FGF13: variants seen among roughly 807,000 people sequenced by gnomAD.
FGF13 encodes the protein fibroblast growth factor homologous factor 2.
Under a neutral mutation model 19.5 loss-of-function variants are expected in FGF13, and 2 were observed. The observed-to-expected ratio is 0.10, with a 90% CI of 0.04 to 0.32. The LOEUF is 0.32. Ranked by LOEUF, FGF13 falls within the 10% of genes least tolerant of loss-of-function variation. The pLI is 1.00. For missense variants in FGF13, 113 were observed against 192.7 expected, an observed-to-expected ratio of 0.59 and a Z score of 2.45; for synonymous variants, 72 against 76.9, an observed-to-expected ratio of 0.94 and a Z score of 0.33.
intron 3 of FGF13, among the ~76,000 whole-genome samples, chrX:138,670,067 AC>A (rs1406043946): frequency 1.8e-5 from 2 of 112,028 alleles, no homozygotes; most frequent in African/African-American, 3.2e-5. Context: ...TAACAAAAAA[AC>A]GTCAAGAATA....
In FGF13 at chrX:139,033,675, C is replaced by A. The variant is rs1315545908; in HGVS notation, c.-112-169025G>T. Among the ~76,000 whole-genome samples, 25 of 111,899 alleles carry A rather than the reference C, an allele frequency of 2.2e-4. 1 individual carries two copies. The Admixed American group carries it at 2.4e-3, about 11-fold the overall frequency. On this transcript the variant is annotated intron_variant, in intron 1 of 2. Transcript: ENST00000421460. ...CATACGTGACATTTTATAACACCCGCCTCTGTGCTTCTAACCCCTAACTGT... is the reference window on the plus strand; with the variant it reads ...CATACGTGACATTTTATAACACCCGACTCTGTGCTTCTAACCCCTAACTGT...
intron 1 of FGF13, among the ~76,000 whole-genome samples, chrX:139,034,979 C>T (rs1045470480): frequency 3.6e-5 from 4 of 111,698 alleles, no homozygotes; most frequent in African/African-American, 6.5e-5. Context: ...ATTCAATTTG[C>T]TGTATCTAAT....
intron 1 of FGF13, among the ~76,000 whole-genome samples, chrX:139,057,320 A>G (rs780871216): frequency 9.4e-6 from 1 of 106,637 alleles, no homozygotes; most frequent in African/African-American, 3.4e-5. Context: ...TGTCAAGAAG[A>G]AAAAAAAAAA....
At chrX:138,768,730 A>G (rs1293086244) in intron 3 of FGF13, among the ~76,000 whole-genome samples, 1 of 100,859 alleles carries the variant, frequency 9.9e-6, no homozygotes, top group Non-Finnish European at 2.0e-5. Context: ...TATATATTAT[A>G]TATATATGAT....
chrX:138,952,168 C>T (rs1351698511), intron 1 of FGF13, among the ~76,000 whole-genome samples: 2 of 111,589 alleles, frequency 1.8e-5, no homozygotes, highest in Non-Finnish European at 3.8e-5. Flanking sequence ...TGCTACCTGA[C>T]TTCAAACTAT....
intron 1 of FGF13, among the ~76,000 whole-genome samples, chrX:138,945,439 G>A (rs368097215): frequency 1.8e-5 from 2 of 111,220 alleles, no homozygotes; most frequent in African/African-American, 6.5e-5. Flanking sequence ...ATGTCTACTC[G>A]ACAGATGAAA....
At chrX:138,960,496 G>C (rs1034792237) in intron 1 of FGF13, among the ~76,000 whole-genome samples, 2 of 111,208 alleles carry the variant, frequency 1.8e-5, no homozygotes, top group African/African-American at 6.6e-5. Context: ...ACAGTTATGT[G>C]TCTTGGGGTT....
chrX:139,066,944 G>A (rs183082990), intron 1 of FGF13, among the ~76,000 whole-genome samples: 2 of 111,148 alleles, frequency 1.8e-5, no homozygotes, highest in Non-Finnish European at 3.8e-5. Flanking sequence ...CGATCAAGTC[G>A]GCTTCATCCC....
chrX:139,149,721 G>T (rs750968947), intron 1 of FGF13, among the ~76,000 whole-genome samples: 3 of 111,976 alleles, frequency 2.7e-5, no homozygotes, highest in Non-Finnish European at 3.8e-5. Flanking sequence ...GAAATCTGTG[G>T]TCTCTTATTT....
At position 138,903,115 on chromosome X, in the gene FGF13, T is replaced by C. The variant is rs140211098; in HGVS notation, c.-112-38465A>G. On this transcript the variant is annotated intron_variant, in intron 1 of 2. Coordinates refer to the FGF13 transcript ENST00000421460. ...CATCAATAAAAAGTGGATTTCTAAA[T>C]TCCCATTACTGAATATGCCAACAAT... is the stretch of plus-strand genomic sequence containing the variant. 2.9e-4 allele frequency among the ~76,000 whole-genome samples: 33 copies of C among 112,116 alleles called. No individual in the cohort carries two copies. The East Asian group carries it at 7.8e-3, about 27-fold the overall frequency.
In FGF13 at chrX:138,759,198, C is replaced by A. The variant is rs563938660; in HGVS notation, c.218-50270G>T. Among the ~76,000 whole-genome samples, 3 of 112,293 alleles carry A rather than the reference C, an allele frequency of 2.7e-5. No individual in the cohort carries two copies. In the Admixed American group the frequency reaches 2.8e-4, roughly 11 times the overall value. On this transcript the variant is annotated intron_variant, in intron 3 of 6. Transcript: ENST00000436198. ...TGACCAAGGGCTTGGGATGGCATCA[C>A]GTATCTGACAAAACCACTTTTGCTT...
At chrX:139,072,230 A>T (rs1418343835) in intron 1 of FGF13, among the ~76,000 whole-genome samples, 8 of 108,277 alleles carry the variant, frequency 7.4e-5, no homozygotes, top group Non-Finnish European at 1.3e-4. Flanking sequence ...TCCTTATAAG[A>T]AAAGGAAGAG....
chrX:138,652,538 G>C (rs941420501), intron 3 of FGF13, among the ~76,000 whole-genome samples: 2 of 111,573 alleles, frequency 1.8e-5, no homozygotes, highest in Middle Eastern at 4.2e-3. Flanking sequence ...GCCTGGTACA[G>C]TGAAGGGACA....
At chrX:138,908,787 C>T (rs1371783542) in intron 1 of FGF13, among the ~76,000 whole-genome samples, 1 of 111,694 alleles carries the variant, frequency 9.0e-6, no homozygotes, top group Non-Finnish European at 1.9e-5. Flanking sequence ...TTGTGAGTCA[C>T]AGTCAGCCTG....
intron 1 of FGF13, among the ~76,000 whole-genome samples, chrX:139,022,419 A>G (rs1234508213): frequency 8.9e-6 from 1 of 111,908 alleles, no homozygotes; most frequent in African/African-American, 3.2e-5. Context: ...ATTTTCCTAC[A>G]TTTATTTAAA....
rs2083962389 is a variant in FGF13, at chrX:139,154,563, T to C, written c.-113+48853A>G. 2.7e-5 allele frequency among the ~76,000 whole-genome samples: 3 copies of C among 111,760 alleles called. No homozygotes were observed. In the Admixed American group the frequency reaches 2.8e-4, roughly 11 times the overall value. ...AATTACCGCTTGTAAATTAGAAAAG[T>C]CTCCAATAGCAAAATGTAGCCATTA... is the stretch of plus-strand genomic sequence containing the variant. On this transcript the variant is annotated intron_variant, in intron 1 of 2. Transcript: ENST00000421460.
intron 1 of FGF13, among the ~76,000 whole-genome samples, chrX:139,072,352 C>T (rs926814651): frequency 4.5e-5 from 5 of 110,263 alleles, no homozygotes; most frequent in Non-Finnish European, 9.5e-5. Context: ...AAGCCTTCTG[C>T]AAGTCAGAAA....
intron 3 of FGF13, among the ~76,000 whole-genome samples, chrX:138,805,915 T>C (rs866148835): frequency 1.8e-5 from 2 of 111,315 alleles, no homozygotes; most frequent in Non-Finnish European, 3.8e-5. Context: ...CAAAACCTGG[T>C]ATGGCTTATT....
At chrX:138,816,013 G>T (rs1187415130) in intron 3 of FGF13, among the ~76,000 whole-genome samples, 1 of 110,343 alleles carries the variant, frequency 9.1e-6, no homozygotes, top group Non-Finnish European at 1.9e-5. Context: ...TTACCATAAA[G>T]AAATCAAAAG....
Sources: gnomAD v4.1 joint callset for allele counts (sites outside exome capture counted in the v4.1 genomes callset) on GRCh38, gnomAD v4.1.1 for gene constraint, MANE v1.5 for transcripts, NCBI Gene and HGNC (gene_info 2026-07-23, HGNC 2026-07-21) for gene names.